LHCGR: variants seen among roughly 807,000 people sequenced by gnomAD.
LHCGR encodes the protein luteinizing hormone/choriogonadotropin receptor, also known as lutropin-choriogonadotropic hormone receptor.
In LHCGR, 55 loss-of-function variants were observed where a neutral mutation model predicts 60.7. The ratio of observed to expected loss-of-function variants is 0.91; its 90% CI spans 0.73 to 1.13. The LOEUF is 1.13. Ranked by LOEUF, LHCGR falls within the 50% of genes most tolerant of loss-of-function variation. The pLI, the probability that LHCGR is intolerant of heterozygous loss-of-function variation, is 0.00. For missense variants in LHCGR, 862 were observed against 836.0 expected, an observed-to-expected ratio of 1.03 and a Z score of -0.38; for synonymous variants, 337 against 316.5, an observed-to-expected ratio of 1.06 and a Z score of -0.69.
At chr2:48,710,708 G>A (rs1667941907) in intron 7 of LHCGR, among the ~76,000 whole-genome samples, 1 of 152,176 alleles carries the variant, frequency 6.6e-6, no homozygotes, top group African/African-American at 2.4e-5. Context: ...GACCCCTCAG[G>A]TGCCTCAGGG....
chr2:48,722,972 G>A (rs1016487342), intron 6 of LHCGR, among the ~76,000 whole-genome samples: 1 of 152,176 alleles, frequency 6.6e-6, no homozygotes, highest in Non-Finnish European at 1.5e-5. Context: ...AGTATAGATA[G>A]TGTTGCTTCA....
intron 7 of LHCGR, 47 bp downstream of exon 7, chr2:48,713,939 A>C (rs1229593800): frequency 8.2e-6 from 11 of 1,342,428 alleles, no homozygotes; most frequent in Non-Finnish European, 9.6e-6. Context: ...TAGCCAGAGT[A>C]ATATTTCATT....
In LHCGR at chr2:48,698,706, A is replaced by G. The variant is rs756849180; in HGVS notation, c.775T>C (p.Leu259=). Residue 259 remains leucine (L), a synonymous_variant, in exon 9 of 11, where the codon TTG becomes CTG. Transcript: ENST00000294954. ...TTGACAAATGTTTCTCTTGATGGCAATTTTTTTAGAGAATAGGATGACGTG... is the reference window on the plus strand; with the variant it reads ...TTGACAAATGTTTCTCTTGATGGCAGTTTTTTTAGAGAATAGGATGACGTG... ...IATSSYSLKK[L]PSRETFVNLL... 2 of 1,614,088 alleles carry G rather than the reference A, an allele frequency of 1.2e-6. No homozygotes were observed. The highest frequency in any genetic ancestry group is 1.7e-5 in the Admixed American group (1 of 60,016).
At chr2:48,717,302 G>A (rs4352270) in intron 6 of LHCGR, among the ~76,000 whole-genome samples, 18,277 of 152,146 alleles carry the variant, frequency 0.12, 1,320 homozygotes, top group Middle Eastern at 0.23. Flanking sequence ...CAGTGTCACA[G>A]GTGTACCCTT....
At chr2:48,699,975 A>G (rs564100349) in intron 8 of LHCGR, among the ~76,000 whole-genome samples, 4 of 152,334 alleles carry the variant, frequency 2.6e-5, no homozygotes, top group Middle Eastern at 3.4e-3. Flanking sequence ...CATTCCCAAG[A>G]CTTGGTGTTC....
intron 8 of LHCGR, among the ~76,000 whole-genome samples, chr2:48,704,633 C>G (rs986104323): frequency 6.6e-6 from 1 of 152,016 alleles, no homozygotes; most frequent in African/African-American, 2.4e-5. Context: ...TGTATGTGTC[C>G]AGGAATTTAT....
chr2:48,688,583 T>C lies in LHCGR; in HGVS notation c.1214A>G (p.Asp405Gly). Residue 405 changes from aspartate to glycine, a missense_variant, in exon 11 of 11, where the codon GAC (aspartate) becomes GGC (glycine). Asp to Gly is a moderately conservative substitution (Grantham distance 94). Coordinates refer to ENST00000294954, the MANE Select transcript of LHCGR (RefSeq NM_000233.4). The surrounding 1 kb of genome is among the most constrained non-coding windows in gnomAD (Gnocchi z 5.2). ...RFLMCNLSFA[D>G]FCMGLYLLLI... ...CAGCAGATAGAGCCCCATGCAAAAG[T>C]CTGCAAAGGAGAGATTGCACATGAG... 1 of 1,614,180 alleles carries C rather than the reference T, an allele frequency of 6.2e-7. No individual in the cohort carries two copies. Among genetic ancestry groups the C allele is most frequent in the Non-Finnish European group, 8.5e-7 (1 of 1,180,028 alleles).
intron 10 of LHCGR, among the ~76,000 whole-genome samples, chr2:48,689,874 C>T (rs1044413037): frequency 6.6e-6 from 1 of 152,112 alleles, no homozygotes; most frequent in Non-Finnish European, 1.5e-5. Context: ...GCCACCGCAC[C>T]CAGCTAATTT....
rs773936367 is a variant in LHCGR at position 48,723,438 on chromosome 2, ATCTGGGAGTTTAC to A, written c.536+5_536+17del. On this transcript the variant is annotated splice_donor_5th_base_variant and intron_variant, in intron 6 of 10. Coordinates refer to ENST00000294954, the MANE Select transcript of LHCGR (RefSeq NM_000233.4). The stretch of plus-strand genomic sequence containing the variant: ...CAGGAGGCTGTATGGCAGAACACAA[ATCTGGGAGTTTAC>A]TCACAGTGTTACAGATTCATTATTC... 2 of 1,567,258 alleles carry A rather than the reference ATCTGGGAGTTTAC, an allele frequency of 1.3e-6. No individual in the cohort carries two copies. Among genetic ancestry groups the A allele is most frequent in the South Asian group, 2.2e-5 (2 of 90,080 alleles).
At chr2:48,731,470 A>C (rs1668983766) in intron 1 of LHCGR, among the ~76,000 whole-genome samples, 172 bp from the exon 2 acceptor site, 1 of 152,160 alleles carries the variant, frequency 6.6e-6, no homozygotes. Flanking sequence ...ATGTGCCATG[A>C]CTTATTCTTG....
chr2:48,694,065 C>T (rs1287834569), intron 10 of LHCGR, among the ~76,000 whole-genome samples, 159 bp downstream of exon 10: 1 of 152,068 alleles, frequency 6.6e-6, no homozygotes, highest in African/African-American at 2.4e-5. Flanking sequence ...AACTTGATGC[C>T]AATTGCAAAG....
chr2:48,707,845 G>T (rs561093138), intron 8 of LHCGR, among the ~76,000 whole-genome samples: 41 of 152,338 alleles, frequency 2.7e-4, no homozygotes, highest in South Asian at 8.3e-4. Context: ...GCACGGGAGG[G>T]AATCTCCTGG....
intron 10 of LHCGR, among the ~76,000 whole-genome samples, chr2:48,693,192 T>C (rs768590576): frequency 6.6e-6 from 1 of 152,166 alleles, no homozygotes; most frequent in Non-Finnish European, 1.5e-5. Context: ...CTGGAGGATA[T>C]GGGTGCCAGA....
intron 1 of LHCGR, among the ~76,000 whole-genome samples, chr2:48,755,291 T>A (rs1670156141): frequency 6.6e-6 from 1 of 151,292 alleles, no homozygotes; most frequent in Non-Finnish European, 1.5e-5. Context: ...CAACCAGGGG[T>A]AAAGAATGGG....
In LHCGR at chr2:48,712,820, C is replaced by T. The variant is rs533461727; in HGVS notation, c.605+1166G>A. 1.3e-3 allele frequency among the ~76,000 whole-genome samples: 203 copies of T among 152,168 alleles called. 1 individual carries two copies. The highest frequency in any genetic ancestry group is 6.8e-3 in the Middle Eastern group (2 of 294). On this transcript the variant is annotated intron_variant, in intron 7 of 10. Coordinates refer to ENST00000294954, the MANE Select transcript of LHCGR (RefSeq NM_000233.4). Reference sequence around the variant, plus strand: ...TGAATGAAGACACTGTGGCTTAGATCGGTTAAGTAACTTGCTTAAGGTCAT... The same window carrying T: ...TGAATGAAGACACTGTGGCTTAGATTGGTTAAGTAACTTGCTTAAGGTCAT...
intron 1 of LHCGR, among the ~76,000 whole-genome samples, 195 bp from the exon 2 acceptor site, chr2:48,731,493 G>A (rs572183237): frequency 6.6e-6 from 1 of 152,164 alleles, no homozygotes; most frequent in African/African-American, 2.4e-5. Context: ...CTTTATCAAA[G>A]AGTGTATAAT....
intron 1 of LHCGR, among the ~76,000 whole-genome samples, chr2:48,745,200 A>G (rs1034912080): frequency 4.6e-5 from 7 of 152,208 alleles, no homozygotes; most frequent in East Asian, 1.9e-4. Flanking sequence ...GAAACGACAG[A>G]TGCTGGAGAG....
intron 6 of LHCGR, among the ~76,000 whole-genome samples, chr2:48,715,164 T>G (rs1343467316): frequency 6.6e-6 from 1 of 152,254 alleles, no homozygotes; most frequent in Non-Finnish European, 1.5e-5. Flanking sequence ...TGATTTGCTT[T>G]GCCTCCGTTG....
chr2:48,690,831 C>T (rs182845004), intron 10 of LHCGR, among the ~76,000 whole-genome samples: 1 of 152,298 alleles, frequency 6.6e-6, no homozygotes, highest in African/African-American at 2.4e-5. Context: ...CTTTAATTGT[C>T]TAATCACTTC....
Sources: gnomAD v4.1 joint callset for allele counts (sites outside exome capture counted in the v4.1 genomes callset) on GRCh38, gnomAD v4.1.1 for gene constraint, Gnocchi (gnomAD v3.1) non-coding constraint, MANE v1.5 for transcripts, NCBI Gene and HGNC (gene_info 2026-07-23, HGNC 2026-07-21) for gene names.